Variants in CDH13 observed in about 807,000 individuals in gnomAD.
CDH13 encodes cadherin-13.
In CDH13, 24 loss-of-function variants were observed where a neutral mutation model predicts 63.8. The observed-to-expected ratio is 0.38, with a 90% CI of 0.27 to 0.53. The LOEUF is 0.53. Among genes scored for constraint, CDH13 ranks in the 20% least tolerant of loss-of-function variants. CDH13 has a pLI of 0.85. For missense variants in CDH13, 1,049 were observed against 903.1 expected (o/e 1.16, Z -2.07); for synonymous variants, 503 against 355.3 (o/e 1.42, Z -4.67).
chr16:83,690,545 A>G (rs1458967269), intron 10 of CDH13, among the ~76,000 whole-genome samples: 1 of 152,064 alleles, frequency 6.6e-6, no homozygotes, highest in African/African-American at 2.4e-5. Context: ...AAGATGGGGA[A>G]AGTGTTAAGC....
chr16:83,721,092 G>C (rs1909633997), intron 10 of CDH13: 1 of 152,244 alleles, frequency 6.6e-6, no homozygotes, highest in Non-Finnish European at 1.5e-5. Flanking sequence ...CTGAGAAGTG[G>C]GTTCAGTAAT....
At chr16:83,401,848 G>T (rs1455997803) in intron 6 of CDH13, among the ~76,000 whole-genome samples, 1 of 152,112 alleles carries the variant, frequency 6.6e-6, no homozygotes, top group African/African-American at 2.4e-5. Flanking sequence ...TCTGAGCCAA[G>T]AACCTAGCTC....
At chr16:83,164,940 T>G (rs2037599349) in intron 4 of CDH13, among the ~76,000 whole-genome samples, 1 of 151,840 alleles carries the variant, frequency 6.6e-6, no homozygotes, top group South Asian at 2.1e-4. Flanking sequence ...TGCCACAGGG[T>G]GCCCAGGTAA....
At chr16:83,643,421 A>G (rs940558957) in intron 8 of CDH13, among the ~76,000 whole-genome samples, 2 of 151,764 alleles carry the variant, frequency 1.3e-5, no homozygotes, top group African/African-American at 2.4e-5. Context: ...TCTTCAGTAT[A>G]TTGCCATCTG....
At chr16:82,819,757 T>C (rs1025036984) in intron 1 of CDH13, among the ~76,000 whole-genome samples, 4 of 152,192 alleles carry the variant, frequency 2.6e-5, no homozygotes, top group African/African-American at 4.8e-5. Context: ...TTCCAGGCAG[T>C]TTTTAGGCAC....
Position 82,855,325 on chromosome 16 carries a change from CTG to C in CDH13, c.46-3034_46-3033del, listed in dbSNP as rs564729569. Among the ~76,000 whole-genome samples the C allele has an allele frequency of 3.3e-5, 5 of 152,314 alleles. No homozygotes were observed. In the South Asian group the frequency reaches 1.0e-3, roughly 32 times the overall value. On this transcript the variant is annotated intron_variant, in intron 1 of 13. Coordinates refer to ENST00000567109, the MANE Select transcript of CDH13 (RefSeq NM_001257.5). ...GCAGAGTGCTGTTTCTCATCACTAA[CTG>C]TGGTTTCTCTCAGTCCTGACTTTTT...
chr16:83,599,125 C>T (rs2150746513), intron 7 of CDH13, among the ~76,000 whole-genome samples: 1 of 152,278 alleles, frequency 6.6e-6, no homozygotes, highest in South Asian at 2.1e-4. Flanking sequence ...ACATAGGTAC[C>T]AGAAGAAGAG....
At chr16:83,008,315 C>G (rs992564412) in intron 2 of CDH13, among the ~76,000 whole-genome samples, 1 of 152,072 alleles carries the variant, frequency 6.6e-6, no homozygotes, top group Non-Finnish European at 1.5e-5. Context: ...ACAAAGGTGA[C>G]CTTTGAGTAG....
At chr16:82,843,627 G>C (rs1410360597) in intron 1 of CDH13, among the ~76,000 whole-genome samples, 1 of 152,104 alleles carries the variant, frequency 6.6e-6, no homozygotes, top group Non-Finnish European at 1.5e-5. Context: ...AATTTTTCTG[G>C]TGTGAAAAAG....
chr16:83,512,165 C>T (rs562837439), intron 7 of CDH13, among the ~76,000 whole-genome samples: 2 of 149,056 alleles, frequency 1.3e-5, no homozygotes, highest in South Asian at 2.1e-4. Context: ...CCTAAAAATA[C>T]AAAAAATTAG....
intron 4 of CDH13, among the ~76,000 whole-genome samples, chr16:83,125,919 C>G (rs1404536302): frequency 6.6e-6 from 1 of 152,120 alleles, no homozygotes; most frequent in African/African-American, 2.4e-5. Flanking sequence ...TTTCCAAAAA[C>G]TAAACCAGAT....
chr16:82,743,797 T>G (rs1477481772), intron 1 of CDH13, among the ~76,000 whole-genome samples: 1 of 152,206 alleles, frequency 6.6e-6, no homozygotes, highest in African/African-American at 2.4e-5. Flanking sequence ...AATCTTGCCA[T>G]AAGTGTATTT....
intron 5 of CDH13, among the ~76,000 whole-genome samples, chr16:83,339,708 C>G (rs923286794): frequency 6.6e-6 from 1 of 152,114 alleles, no homozygotes; most frequent in Admixed American, 6.6e-5. Context: ...CACAGATGTC[C>G]CCCACCTCCA....
intron 7 of CDH13, among the ~76,000 whole-genome samples, chr16:83,568,830 G>C (rs183862227): frequency 6.6e-6 from 1 of 152,076 alleles, no homozygotes; most frequent in African/African-American, 2.4e-5. Context: ...CTCACTTGCT[G>C]TTCTGTCCTT....
At chr16:82,918,866 C>T (rs997458290) in intron 2 of CDH13, among the ~76,000 whole-genome samples, 5 of 152,022 alleles carry the variant, frequency 3.3e-5, no homozygotes, top group African/African-American at 1.2e-4. Context: ...GAGTTTGTAC[C>T]CAAATTATAA....
intron 10 of CDH13, among the ~76,000 whole-genome samples, chr16:83,708,985 C>G (rs546398049): frequency 6.6e-6 from 1 of 152,154 alleles, no homozygotes; most frequent in Non-Finnish European, 1.5e-5. Flanking sequence ...GATCATGCCA[C>G]TGCCCTCTAG....
Position 83,601,525 on chromosome 16 carries a change from A to T in CDH13, c.961-929A>T, listed in dbSNP as rs150009895. 2.4e-3 allele frequency among the ~76,000 whole-genome samples: 363 copies of T among 152,338 alleles called. 1 individual carries two copies. The highest frequency in any genetic ancestry group is 3.4e-3 in the Middle Eastern group (1 of 294). ...TGACAGCCTGTGCGACAAAAAAGAC[A>T]TGAAAGAAGTGTGGTATAAGTGACT... is the stretch of plus-strand genomic sequence containing the variant. On this transcript the variant is annotated intron_variant, in intron 7 of 13. Transcript: ENST00000567109.
At chr16:83,224,627 G>A (rs34124754) in intron 5 of CDH13, among the ~76,000 whole-genome samples, 9,151 of 152,270 alleles carry the variant, frequency 0.06, 304 homozygotes, top group African/African-American at 0.09. Context: ...GAAGAATCTC[G>A]ACTCTCCTAT....
chr16:82,923,855 A>G (rs149010166), intron 2 of CDH13, among the ~76,000 whole-genome samples: 1 of 152,310 alleles, frequency 6.6e-6, no homozygotes, highest in African/African-American at 2.4e-5. Context: ...ATAAAGAGAA[A>G]ATTCCTAGGT....
Sources: allele counts gnomAD v4.1 joint callset (sites outside exome capture counted in the v4.1 genomes callset), GRCh38; gene constraint gnomAD v4.1.1; transcripts MANE v1.5; gene names NCBI Gene and HGNC (gene_info 2026-07-23, HGNC 2026-07-21).